Variants in LIN9 observed in about 807,000 individuals in gnomAD.
The protein encoded by LIN9 is protein lin-9 homolog.
Under a neutral mutation model 78.0 loss-of-function variants are expected in LIN9, and 18 were observed. The observed-to-expected ratio is 0.23, with a 90% CI of 0.16 to 0.34. The LOEUF is 0.34. LIN9 is among the 10% of genes least tolerant of loss of function. LIN9 has a pLI of 1.00. For missense variants in LIN9, 451 were observed against 644.1 expected (o/e 0.70, Z 3.25); for synonymous variants, 192 against 215.2 (o/e 0.89, Z 0.94).
intron 11 of LIN9, among the ~76,000 whole-genome samples, chr1:226,247,286 G>A (rs534383246): frequency 6.6e-6 from 1 of 151,996 alleles, no homozygotes; most frequent in African/African-American, 2.4e-5. Context: ...AAACTCCATT[G>A]TCTAGTCTAC....
chr1:226,304,724 T>C (rs762448274), intron 1 of LIN9, among the ~76,000 whole-genome samples: 1 of 152,052 alleles, frequency 6.6e-6, no homozygotes, highest in Admixed American at 6.6e-5. Context: ...TGACTGTGCT[T>C]GCATAGGGAA....
Position 226,231,866 on chromosome 1 carries a change from C to A in LIN9, c.*635G>T, listed in dbSNP as rs1657357519. The A allele has an allele frequency of 7.0e-6, 2 of 286,274 alleles. No homozygotes were observed. Among genetic ancestry groups the A allele is most frequent in the East Asian group, 1.2e-4 (2 of 17,004 alleles). The allele number at this position is 286,274 out of a possible 1,614,324, so 17.7% of individuals were successfully genotyped here. ...TTCTTTCAACAAACAACAAAGGTTTCTTTTATATGTTATGATAAATTAAAA... is the reference window on the plus strand; with the variant it reads ...TTCTTTCAACAAACAACAAAGGTTTATTTTATATGTTATGATAAATTAAAA... On this transcript the variant is annotated 3_prime_UTR_variant, in exon 15 of 15. Transcript: ENST00000681046.
intron 6 of LIN9, among the ~76,000 whole-genome samples, chr1:226,279,233 G>A (rs1046274551): frequency 1.3e-5 from 2 of 152,036 alleles, no homozygotes; most frequent in Non-Finnish European, 2.9e-5. Flanking sequence ...TTTGTAGTCC[G>A]AGGTGGAAGA....
At chr1:226,266,435 A>G (rs1179389985) in intron 8 of LIN9, 103 bp from the exon 9 acceptor site, 5 of 847,636 alleles carry the variant, frequency 5.9e-6, no homozygotes, top group Non-Finnish European at 1.7e-6. Context: ...CGCATATTCT[A>G]TGATTCATAT....
chr1:226,303,387 A>C (rs1010971553), intron 1 of LIN9, among the ~76,000 whole-genome samples: 11 of 152,154 alleles, frequency 7.2e-5, no homozygotes, highest in African/African-American at 2.2e-4. Flanking sequence ...AATAAAGCAG[A>C]AGAAGAAGAA....
At chr1:226,297,562 T>A (rs1277880108) in intron 3 of LIN9, among the ~76,000 whole-genome samples, 157 bp downstream of exon 3, 1 of 152,198 alleles carries the variant, frequency 6.6e-6, no homozygotes, top group East Asian at 1.9e-4. Flanking sequence ...GGGTACAGAT[T>A]AATTTACCTA....
At chr1:226,270,984 C>G (rs79039516) in intron 7 of LIN9, among the ~76,000 whole-genome samples, 4,584 of 151,896 alleles carry the variant, frequency 0.03, 213 homozygotes, top group African/African-American at 0.1. Context: ...CCCAGATAAC[C>G]TGGAATTATC....
upstream of LIN9, chr1:226,309,566 G>C (rs1254102135): frequency 8.4e-7 from 1 of 1,183,622 alleles, no homozygotes; most frequent in East Asian, 7.3e-5. Flanking sequence ...CGGGGGGAAA[G>C]AAGCCCTCGG....
chr1:226,268,763 T>G (rs532549353), intron 7 of LIN9, among the ~76,000 whole-genome samples: 1 of 152,220 alleles, frequency 6.6e-6, no homozygotes. Flanking sequence ...ACAACACTTA[T>G]AAGCATTGTG....
intron 3 of LIN9, 55 bp from the exon 4 acceptor site, chr1:226,296,001 C>A: frequency 8.2e-7 from 1 of 1,216,138 alleles, no homozygotes. Flanking sequence ...CATTTTTGTT[C>A]CAAAATACAA....
intron 6 of LIN9, among the ~76,000 whole-genome samples, chr1:226,279,148 G>C (rs559286720): frequency 6.6e-6 from 1 of 151,552 alleles, no homozygotes; most frequent in Non-Finnish European, 1.5e-5. Flanking sequence ...GCAACAGAGC[G>C]AGACTCCGTC....
intron 1 of LIN9, among the ~76,000 whole-genome samples, chr1:226,305,860 CTG>C (rs976512957): frequency 2.6e-5 from 4 of 151,980 alleles, no homozygotes; most frequent in Admixed American, 6.6e-5. Flanking sequence ...ATCCCTCTCG[CTG>C]TGTGTTTGTG....
intron 10 of LIN9, among the ~76,000 whole-genome samples, chr1:226,262,515 A>G (rs889326692): frequency 6.6e-6 from 1 of 152,240 alleles, no homozygotes; most frequent in Non-Finnish European, 1.5e-5. Context: ...GATGGCAGAT[A>G]AGCATATGAA....
Position 226,246,579 on chromosome 1 carries a change from G to A in LIN9, c.1119+4260C>T, listed in dbSNP as rs185298897. ...TGGTGGATCATGAGGTCAGGAGATC[G>A]AGACCATCCTGGCCAACATGGTGAA... On this transcript the variant is annotated intron_variant, in intron 11 of 14. Coordinates refer to ENST00000681046, the MANE Select transcript of LIN9 (RefSeq NM_001366245.2). Among the ~76,000 whole-genome samples, 328 of 150,950 alleles carry A rather than the reference G, an allele frequency of 2.2e-3. 7 individuals carry two copies. The highest frequency in any genetic ancestry group is 2.2e-3 in the Admixed American group (34 of 15,140).
chr1:226,235,767 T>A (rs1576269785), intron 12 of LIN9, among the ~76,000 whole-genome samples: 1 of 152,240 alleles, frequency 6.6e-6, no homozygotes, highest in Non-Finnish European at 1.5e-5. Context: ...CTGTTTGCAT[T>A]TACTTGTATT....
chr1:226,232,417 G>A lies in LIN9; in HGVS notation c.*84C>T. 1.2e-6 allele frequency: 1 copy of A among 815,754 alleles called. No homozygotes were observed. Among genetic ancestry groups the A allele is most frequent in the Non-Finnish European group, 2.0e-6 (1 of 507,174 alleles). The allele number at this position is 815,754 out of a possible 1,614,324, so 50.5% of individuals were successfully genotyped here. ...ATTTCCCTTGTTTTCCAGCAGTTAG[G>A]TTATTTGGTGTTGGAAGCCTATATA... On this transcript the variant is annotated 3_prime_UTR_variant, in exon 15 of 15. Coordinates refer to ENST00000681046, the MANE Select transcript of LIN9 (RefSeq NM_001366245.2).
intron 1 of LIN9, 61 bp downstream of exon 1, chr1:226,309,048 G>C: frequency 3.1e-6 from 4 of 1,298,914 alleles, no homozygotes; most frequent in Non-Finnish European, 3.0e-6. Flanking sequence ...GTCCCGGCCG[G>C]TGCAACCGCT....
intron 6 of LIN9, among the ~76,000 whole-genome samples, chr1:226,278,945 C>A (rs1382745172): frequency 3.3e-5 from 5 of 149,456 alleles, no homozygotes; most frequent in Non-Finnish European, 7.4e-5. Flanking sequence ...CATGGTGAAA[C>A]CCCGTCTCTA....
intron 14 of LIN9, 48 bp from the exon 15 acceptor site, chr1:226,232,654 G>A (rs1558148171): frequency 2.4e-6 from 3 of 1,258,766 alleles, no homozygotes; most frequent in Non-Finnish European, 2.2e-6. Context: ...AAAAAATTAA[G>A]AAAAAAATTT....
Sources: gnomAD v4.1 joint callset for allele counts (sites outside exome capture counted in the v4.1 genomes callset) on GRCh38, gnomAD v4.1.1 for gene constraint, MANE v1.5 for transcripts, NCBI Gene and HGNC (gene_info 2026-07-23, HGNC 2026-07-21) for gene names.